COLEC10: variants seen among roughly 807,000 people sequenced by gnomAD.
COLEC10 encodes collectin subfamily member 10.
Under a neutral mutation model 28.4 loss-of-function variants are expected in COLEC10, and 22 were observed. The observed-to-expected ratio is 0.78, with a 90% CI of 0.55 to 1.11. The LOEUF is 1.11. Among genes scored for constraint, COLEC10 ranks in the 50% least tolerant of loss-of-function variants. The pLI is 0.00. For synonymous variants in COLEC10, 125 were observed against 116.1 expected, an observed-to-expected ratio of 1.08 and a Z score of -0.49; for missense variants, 361 against 344.1, an observed-to-expected ratio of 1.05 and a Z score of -0.39.
At chr8:119,044,429 A>G (rs1042059939) in intron 2 of COLEC10, among the ~76,000 whole-genome samples, 2 of 152,212 alleles carry the variant, frequency 1.3e-5, no homozygotes, top group Non-Finnish European at 2.9e-5. Flanking sequence ...AAGACTGAAG[A>G]CACAAGTGTA....
At chr8:119,102,544 A>G (rs994307312) in intron 4 of COLEC10, 143 bp downstream of exon 4, 15 of 667,134 alleles carry the variant, frequency 2.2e-5, no homozygotes, top group Non-Finnish European at 2.9e-5. Context: ...AAAGGGAAGA[A>G]GGGGACTTTC....
intron 1 of COLEC10, among the ~76,000 whole-genome samples, chr8:118,999,909 GTT>G (rs60373739): frequency 6.6e-6 from 1 of 151,718 alleles, no homozygotes; most frequent in South Asian, 2.1e-4. Flanking sequence ...TCTTTAAAGA[GTT>G]TTTTTGTAAA....
chr8:119,039,150 G>A (rs987716984), intron 2 of COLEC10, among the ~76,000 whole-genome samples: 2 of 151,906 alleles, frequency 1.3e-5, no homozygotes, highest in Non-Finnish European at 2.9e-5. Flanking sequence ...CTTCATTTGG[G>A]GGTGCTCTAG....
At chr8:119,049,239 T>C (rs758277815) in intron 2 of COLEC10, among the ~76,000 whole-genome samples, 11 of 152,092 alleles carry the variant, frequency 7.2e-5, no homozygotes, top group Non-Finnish European at 1.6e-4. Context: ...GTACATGACT[T>C]GATCTTTCTC....
the COLEC10 span, among the ~76,000 whole-genome samples, chr8:118,988,115 T>C: frequency 0.049 from 7,419 of 152,198 alleles, 276 homozygotes; most frequent in East Asian, 0.17. Flanking sequence ...GTGGAACCAT[T>C]AAATGGTAAA....
At chr8:118,967,186 T>G in the COLEC10 span, among the ~76,000 whole-genome samples, 4 of 152,094 alleles carry the variant, frequency 2.6e-5, no homozygotes, top group East Asian at 1.9e-4. Flanking sequence ...TTAAAATCTC[T>G]AGGGTAGGGG....
rs375224937 is a variant in COLEC10, at chr8:119,067,249, T to C, written c.-33T>C. On this transcript the variant is annotated 5_prime_UTR_variant, in exon 1 of 6. Coordinates refer to ENST00000332843, the MANE Select transcript of COLEC10 (RefSeq NM_006438.5). ...TAAAATAAAGCTGTTTATTTGGCAT[T>C]TCTGGGAGACCCTTTTCTGAGGAAC... The C allele has an allele frequency of 6.8e-6, 11 of 1,608,526 alleles. No individual in the cohort carries two copies. Among genetic ancestry groups the C allele is most frequent in the Non-Finnish European group, 9.3e-6 (11 of 1,177,530 alleles).
chr8:118,998,285 C>T (rs941366872), intron 1 of COLEC10, among the ~76,000 whole-genome samples: 2 of 151,974 alleles, frequency 1.3e-5, no homozygotes, highest in South Asian at 4.2e-4. Context: ...TCAATTATTC[C>T]CAATGTGGAT....
intron 2 of COLEC10, among the ~76,000 whole-genome samples, chr8:119,058,008 C>A (rs952770531): frequency 6.6e-6 from 1 of 151,754 alleles, no homozygotes; most frequent in Non-Finnish European, 1.5e-5. Context: ...TTTCTTTTAT[C>A]TGGTTGTTTT....
intron 1 of COLEC10, among the ~76,000 whole-genome samples, chr8:119,085,623 G>GTTTTTTTTTTT (rs1815466115): frequency 1.1e-5 from 1 of 87,258 alleles, no homozygotes; most frequent in Non-Finnish European, 2.1e-5. Context: ...TTTTTTTTTT[G>GTTTTTTTTTTT]TTGTTGTTGT....
rs140070736 is a variant in COLEC10 at position 119,096,731 on chromosome 8, A to G, written c.292+5511A>G. Among the ~76,000 whole-genome samples the G allele has an allele frequency of 2.1e-4, 32 of 152,316 alleles. No individual in the cohort carries two copies. In the East Asian group the frequency reaches 6.2e-3, roughly 29 times the overall value. On this transcript the variant is annotated intron_variant, in intron 3 of 5. Coordinates refer to ENST00000332843, the MANE Select transcript of COLEC10 (RefSeq NM_006438.5). Reference sequence around the variant, plus strand: ...TACATGTAAAACATATAAAGAGATTATACAAATCACTAAGAAAAATAACTG... The same window carrying G: ...TACATGTAAAACATATAAAGAGATTGTACAAATCACTAAGAAAAATAACTG...
At chr8:119,076,067 ATTTTTT>A in intron 1 of COLEC10, among the ~76,000 whole-genome samples, 1 of 90,092 alleles carries the variant, frequency 1.1e-5, no homozygotes, top group Admixed American at 1.2e-4. Flanking sequence ...CGCCCGGCTA[ATTTTTT>A]TTTTTTTTTT....
chr8:119,059,287 G>T (rs1483464211), intron 2 of COLEC10, among the ~76,000 whole-genome samples: 1 of 151,318 alleles, frequency 6.6e-6, no homozygotes, highest in African/African-American at 2.4e-5. Flanking sequence ...CATAACCCAA[G>T]GTTGCAGAGG....
chr8:119,016,966 G>A (rs564268055), intron 2 of COLEC10, among the ~76,000 whole-genome samples: 5 of 149,414 alleles, frequency 3.3e-5, no homozygotes, highest in African/African-American at 9.9e-5. Flanking sequence ...CACCTGCCTC[G>A]GGCTCCTGAA....
chr8:119,096,151 C>T (rs1275300302), intron 3 of COLEC10, among the ~76,000 whole-genome samples: 4 of 152,030 alleles, frequency 2.6e-5, no homozygotes, highest in African/African-American at 9.7e-5. Flanking sequence ...TCTGAGAGAC[C>T]TAAATTTGAA....
At chr8:119,071,068 T>G (rs1399201575) in intron 1 of COLEC10, among the ~76,000 whole-genome samples, 2 of 152,130 alleles carry the variant, frequency 1.3e-5, no homozygotes, top group African/African-American at 2.4e-5. Context: ...ACTAGTTATA[T>G]ATCAGGTTAG....
chr8:118,956,851 T>G, the COLEC10 span, among the ~76,000 whole-genome samples: 1 of 152,164 alleles, frequency 6.6e-6, no homozygotes, highest in African/African-American at 2.4e-5. Flanking sequence ...ATGTCTTCAT[T>G]AGATAAAAAC....
Position 119,106,260 on chromosome 8 carries a change from T to G in COLEC10, c.*69T>G. ...TACAGTTATTGTTATCCATCCTTTTTTTCCTGATTGTACTACATTTGATCT... is the reference window on the plus strand; with the variant it reads ...TACAGTTATTGTTATCCATCCTTTTGTTCCTGATTGTACTACATTTGATCT... On this transcript the variant is annotated 3_prime_UTR_variant, in exon 6 of 6. Coordinates refer to ENST00000332843, the MANE Select transcript of COLEC10 (RefSeq NM_006438.5). The G allele has an allele frequency of 6.7e-7, 1 of 1,486,416 alleles. No homozygotes were observed. The highest frequency in any genetic ancestry group is 1.4e-5 in the African/African-American group (1 of 71,588). The allele number at this position is 1,486,416 out of a possible 1,614,324, so 92.1% of individuals were successfully genotyped here. A position where few individuals can be genotyped will look rare whatever the true frequency, so the allele number is the denominator to read the frequency against.
chr8:119,044,863 C>T (rs371529778), intron 2 of COLEC10, among the ~76,000 whole-genome samples: 23 of 151,062 alleles, frequency 1.5e-4, no homozygotes, highest in African/African-American at 5.6e-4. Flanking sequence ...AAAAAGAAAC[C>T]ACAACTGAGA....
Sources: gnomAD v4.1 joint callset for allele counts (sites outside exome capture counted in the v4.1 genomes callset) on GRCh38, gnomAD v4.1.1 for gene constraint, MANE v1.5 for transcripts, NCBI Gene and HGNC (gene_info 2026-07-23, HGNC 2026-07-21) for gene names.